The following CCDC158 variants were observed in gnomAD, a reference collection of about 807,000 sequenced individuals.
The protein encoded by CCDC158 is coiled-coil domain containing 158.
In CCDC158, 116 loss-of-function variants were observed where a neutral mutation model predicts 138.6. The observed-to-expected ratio is 0.84, with a 90% CI of 0.72 to 0.98. The LOEUF is 0.98. CCDC158 is among the 50% of genes least tolerant of loss of function. CCDC158 has a pLI of 0.00. For synonymous variants in CCDC158, 436 were observed against 442.4 expected, an observed-to-expected ratio of 0.99 and a Z score of 0.18; for missense variants, 1,265 against 1,306.1, an observed-to-expected ratio of 0.97 and a Z score of 0.48.
intron 4 of CCDC158, among the ~76,000 whole-genome samples, chr4:76,388,945 T>C (rs561590073): frequency 4.6e-5 from 7 of 152,256 alleles, no homozygotes; most frequent in Non-Finnish European, 1.0e-4. Flanking sequence ...CATAGCATTA[T>C]TGGGCTTGGG....
chr4:76,367,705 G>A lies in CCDC158; in HGVS notation c.1419C>T (p.Thr473=). 1 of 1,613,946 alleles carries A rather than the reference G, an allele frequency of 6.2e-7. No homozygotes were observed. The highest frequency in any genetic ancestry group is 8.5e-7 in the Non-Finnish European group (1 of 1,180,000). Residue 473 remains threonine (T), a synonymous_variant, in exon 12 of 25, where the codon ACC becomes ACT. Transcript: ENST00000682701. ...CTACTACTTTGCGCAGCATCTCTTT[G>A]GTGGATTCAAGCTGAGCAGTCAAGG... ...VSSLTAQLES[T]KEMLRKVVEE...
intron 18 of CCDC158, among the ~76,000 whole-genome samples, chr4:76,348,844 T>C (rs1461597713): frequency 1.3e-5 from 2 of 152,036 alleles, no homozygotes; most frequent in Non-Finnish European, 2.9e-5. Context: ...GAATAAACAA[T>C]TAATACGTGT....
At chr4:76,331,302 C>A in intron 21 of CCDC158, 42 bp downstream of exon 21, 1 of 1,529,598 alleles carries the variant, frequency 6.5e-7, no homozygotes, top group South Asian at 1.1e-5. Flanking sequence ...AATGAACAGT[C>A]GTAAAAGGGA....
At chr4:76,355,898 C>T (rs1334502006) in intron 14 of CCDC158, among the ~76,000 whole-genome samples, 2 of 151,140 alleles carry the variant, frequency 1.3e-5, no homozygotes, top group African/African-American at 2.4e-5. Flanking sequence ...TTTCAAGAAC[C>T]TCATACTTAA....
Position 76,323,302 on chromosome 4 carries a change from C to T in CCDC158, c.3277G>A (p.Ala1093Thr). 2 of 1,605,360 alleles carry T rather than the reference C, an allele frequency of 1.2e-6. No individual in the cohort carries two copies. Among genetic ancestry groups the T allele is most frequent in the African/African-American group, 1.3e-5 (1 of 74,758 alleles). Reference protein sequence around the residue: ...LVEDLQLKNQAMSSMIRNQEK... With the variant: ...LVEDLQLKNQTMSSMIRNQEK... ...ATCTCTCCAAAAACGTACACTGTAC[C>T]TTGGTTCTTCAGCTGTAAATCTTCT... The change falls in exon 24 of 25, where the codon GCA becomes ACA. Residue 1093 changes from alanine to threonine, a missense_variant and splice_region_variant. Physicochemically the swap from Ala to Thr is moderately conservative, Grantham distance 58. Transcript: ENST00000682701.
At chr4:76,345,115 C>G in intron 18 of CCDC158, 1 of 1,147,146 alleles carries the variant, frequency 8.7e-7, no homozygotes, top group African/African-American at 1.5e-5. Context: ...TATATCCACA[C>G]TGCAGCCTGC....
chr4:76,331,815 T>C (rs1414280721), intron 20 of CCDC158, among the ~76,000 whole-genome samples: 1 of 152,190 alleles, frequency 6.6e-6, no homozygotes, highest in East Asian at 1.9e-4. Context: ...ATGTACTTAA[T>C]GCAGTAGGCA....
Position 76,355,339 on chromosome 4 carries a change from C to T in CCDC158, c.2271G>A (p.Met757Ile). The T allele has an allele frequency of 6.2e-7, 1 of 1,612,930 alleles. No individual in the cohort carries two copies. Among genetic ancestry groups the T allele is most frequent in the South Asian group, 1.1e-5 (1 of 91,054 alleles). The change falls in exon 15 of 25, where the codon ATG becomes ATA. Residue 757 changes from methionine (M) to isoleucine (I), a missense_variant. By Grantham distance (10) the Met-to-Ile change is conservative (BLOSUM62 1). Coordinates refer to ENST00000682701, the MANE Select transcript of CCDC158 (RefSeq NM_001394954.1). The part of the protein sequence containing the change: ...QSKIQFLEEA[M>I]TNANKEKHFL... ...AGCAACCCACCTTATTTGCATTTGT[C>T]ATTGCCTCTTCCAAAAACTGTATCT...
intron 18 of CCDC158, among the ~76,000 whole-genome samples, chr4:76,342,017 A>G (rs1722097976): frequency 6.6e-6 from 1 of 152,208 alleles, no homozygotes; most frequent in African/African-American, 2.4e-5. Context: ...AATTAAGGAC[A>G]TAAGTTCTGG....
intron 6 of CCDC158, 52 bp from the exon 7 acceptor site, chr4:76,383,790 GA>G: frequency 7.8e-7 from 1 of 1,276,390 alleles, no homozygotes; most frequent in Non-Finnish European, 1.1e-6. Context: ...ATAAGGCTTG[GA>G]AAATCTGGAG....
At chr4:76,324,130 A>C (rs1720300682) in intron 23 of CCDC158, among the ~76,000 whole-genome samples, 1 of 152,126 alleles carries the variant, frequency 6.6e-6, no homozygotes, top group Non-Finnish European at 1.5e-5. Flanking sequence ...TCATTACAGC[A>C]TTCAAGGCAA....
chr4:76,327,421 G>A (rs932142127), intron 22 of CCDC158, among the ~76,000 whole-genome samples: 5 of 152,090 alleles, frequency 3.3e-5, no homozygotes, highest in African/African-American at 9.7e-5. Context: ...CCATCATAGA[G>A]TATACTTTCA....
intron 9 of CCDC158, 25 bp downstream of exon 9, chr4:76,379,265 A>C: frequency 2.1e-6 from 3 of 1,403,658 alleles, no homozygotes; most frequent in South Asian, 1.3e-5. Context: ...GTCTCTAGAA[A>C]CAGACCAGCA....
intron 3 of CCDC158, among the ~76,000 whole-genome samples, chr4:76,400,446 C>T (rs1246105631): frequency 6.6e-6 from 1 of 151,228 alleles, no homozygotes. Flanking sequence ...GGAGATATAC[C>T]TAATGTAAAT....
At chr4:76,317,984 A>G (rs1298743844) in intron 24 of CCDC158, among the ~76,000 whole-genome samples, 1 of 152,162 alleles carries the variant, frequency 6.6e-6, no homozygotes, top group African/African-American at 2.4e-5. Flanking sequence ...ACAATTTATC[A>G]TACCCTCTAG....
intron 2 of CCDC158, among the ~76,000 whole-genome samples, chr4:76,404,450 GAATT>G (rs1291052529): frequency 6.6e-6 from 1 of 152,026 alleles, no homozygotes; most frequent in African/African-American, 2.4e-5. Context: ...GCTCAAACAA[GAATT>G]TAGGGTATGA....
Position 76,392,458 on chromosome 4 carries a change from A to T in CCDC158, c.288+3811T>A, listed in dbSNP as rs533307121. Among the ~76,000 whole-genome samples, 3 of 151,970 alleles carry T rather than the reference A, an allele frequency of 2.0e-5. No individual in the cohort carries two copies. In the East Asian group the frequency reaches 5.8e-4, roughly 29 times the overall value. ...CAAAACTCAAAAAAAATGGGTATAG[A>T]ATAGAAAATAATGAAGCACACTTAC... is the stretch of plus-strand genomic sequence containing the variant. On this transcript the variant is annotated intron_variant, in intron 4 of 24. Coordinates refer to ENST00000682701, the MANE Select transcript of CCDC158 (RefSeq NM_001394954.1).
At chr4:76,361,265 T>A (rs977277089) in intron 13 of CCDC158, among the ~76,000 whole-genome samples, 1 of 152,180 alleles carries the variant, frequency 6.6e-6, no homozygotes, top group Admixed American at 6.5e-5. Context: ...CTTTTCTTTA[T>A]CAATTACCCA....
intron 8 of CCDC158, among the ~76,000 whole-genome samples, chr4:76,381,007 T>C (rs1158708061): frequency 1.3e-5 from 2 of 152,044 alleles, no homozygotes; most frequent in East Asian, 1.9e-4. Context: ...AAAGCAAGAG[T>C]TGAGGTTTGG....
Sources: gnomAD v4.1 joint callset for allele counts (sites outside exome capture counted in the v4.1 genomes callset) on GRCh38, gnomAD v4.1.1 for gene constraint, MANE v1.5 for transcripts, NCBI Gene and HGNC (gene_info 2026-07-23, HGNC 2026-07-21) for gene names.